Variants in NRG1 observed in about 807,000 individuals in gnomAD.
NRG1 encodes the protein pro-neuregulin-1, membrane-bound isoform.
Under a neutral mutation model 63.8 loss-of-function variants are expected in NRG1, and 18 were observed. The ratio of observed to expected loss-of-function variants is 0.28; its 90% CI spans 0.19 to 0.42. The LOEUF is 0.42. Among genes scored for constraint, NRG1 ranks in the 10% least tolerant of loss-of-function variants. The pLI is 1.00. For synonymous variants in NRG1, 302 were observed against 301.3 expected, an observed-to-expected ratio of 1.00 and a Z score of -0.02; for missense variants, 762 against 814.7, an observed-to-expected ratio of 0.94 and a Z score of 0.79.
chr8:31,759,834 C>T (rs1440524810), intron 1 of NRG1, among the ~76,000 whole-genome samples: 2 of 152,128 alleles, frequency 1.3e-5, no homozygotes, highest in South Asian at 4.2e-4. Context: ...GTTTTGCAAC[C>T]CGTGAGTCTA....
chr8:31,675,385 A>G (rs1278700505), intron 1 of NRG1, among the ~76,000 whole-genome samples: 1 of 152,156 alleles, frequency 6.6e-6, no homozygotes, highest in Admixed American at 6.6e-5. Flanking sequence ...ATAAGAACAT[A>G]CTGGCTGCAG....
chr8:31,858,273 T>C (rs569519060), intron 1 of NRG1, among the ~76,000 whole-genome samples: 6 of 150,728 alleles, frequency 4.0e-5, no homozygotes, highest in Admixed American at 2.6e-4. Context: ...CACTCCATCC[T>C]GGGCAACAGA....
chr8:31,958,335 G>T (rs1297129615), intron 1 of NRG1, among the ~76,000 whole-genome samples: 1 of 152,060 alleles, frequency 6.6e-6, no homozygotes, highest in Non-Finnish European at 1.5e-5. Flanking sequence ...AATCAATTTG[G>T]GTACCATTTT....
At chr8:32,015,555 T>C (rs188535088) in intron 1 of NRG1, among the ~76,000 whole-genome samples, 104 of 152,306 alleles carry the variant, frequency 6.8e-4, no homozygotes, top group Non-Finnish European at 1.2e-3. Flanking sequence ...GAATTATCCA[T>C]ACACTGGTGT....
chr8:32,667,970 T>G (rs1307883448), intron 5 of NRG1, among the ~76,000 whole-genome samples: 2 of 152,060 alleles, frequency 1.3e-5, no homozygotes, highest in Admixed American at 1.3e-4. Context: ...CTCAGCACTT[T>G]GGGAGGCCGA....
intron 6 of NRG1, among the ~76,000 whole-genome samples, chr8:32,737,675 C>CTTTTT (rs561750288): frequency 1.6e-5 from 2 of 127,880 alleles, no homozygotes; most frequent in African/African-American, 2.9e-5. Context: ...GACAATCTTC[C>CTTTTT]TTTTTTTTTT....
chr8:32,746,705 T>G (rs761737068), intron 7 of NRG1, among the ~76,000 whole-genome samples: 7 of 152,066 alleles, frequency 4.6e-5, no homozygotes, highest in Non-Finnish European at 8.8e-5. Context: ...ACAGTAAACT[T>G]TGTGTTTTTG....
At chr8:32,523,916 G>A (rs1830568047) in intron 1 of NRG1, among the ~76,000 whole-genome samples, 1 of 152,064 alleles carries the variant, frequency 6.6e-6, no homozygotes, top group Non-Finnish European at 1.5e-5. Context: ...CTATATCCGT[G>A]ATTGCTTTTC....
chr8:32,608,092 G>GTT (rs1226154193), intron 3 of NRG1, among the ~76,000 whole-genome samples: 12 of 106,152 alleles, frequency 1.1e-4, no homozygotes, highest in Non-Finnish European at 1.4e-4. Flanking sequence ...GGTTTTTTTT[G>GTT]TTTTTTTTTT....
intron 5 of NRG1, among the ~76,000 whole-genome samples, chr8:32,684,026 C>T (rs987663132): frequency 3.3e-5 from 5 of 151,996 alleles, no homozygotes; most frequent in African/African-American, 7.3e-5. Context: ...GAAACCCCAC[C>T]GCTACTATAA....
At chr8:32,182,246 G>A (rs180839914) in intron 1 of NRG1, among the ~76,000 whole-genome samples, 7 of 151,858 alleles carry the variant, frequency 4.6e-5, no homozygotes, top group Admixed American at 2.0e-4. Context: ...TGTGGAAAAT[G>A]ATACACAATT....
At chr8:32,755,432 G>T (rs982652907) in intron 8 of NRG1, among the ~76,000 whole-genome samples, 11 of 152,118 alleles carry the variant, frequency 7.2e-5, no homozygotes, top group African/African-American at 2.7e-4. Context: ...AGCATGGATT[G>T]TATTTTGTCA....
intron 1 of NRG1, among the ~76,000 whole-genome samples, chr8:32,104,188 C>A (rs1342552048): frequency 6.6e-6 from 1 of 152,210 alleles, no homozygotes; most frequent in Non-Finnish European, 1.5e-5. Context: ...TAGCCTCTTA[C>A]TCCTAGGCTA....
intron 1 of NRG1, among the ~76,000 whole-genome samples, chr8:32,038,310 A>G (rs1289170628): frequency 2.0e-5 from 3 of 151,744 alleles, no homozygotes; most frequent in African/African-American, 7.3e-5. Context: ...GGTTGCGCCA[A>G]CCATCTAGTC....
At chr8:32,635,978 A>C (rs1761791282) in intron 5 of NRG1, among the ~76,000 whole-genome samples, 1 of 152,180 alleles carries the variant, frequency 6.6e-6, no homozygotes, top group Non-Finnish European at 1.5e-5. Flanking sequence ...CATTTGGAAG[A>C]GCATGATAGA....
At chr8:31,918,684 C>A (rs1217287484) in intron 1 of NRG1, among the ~76,000 whole-genome samples, 7 of 152,086 alleles carry the variant, frequency 4.6e-5, no homozygotes, top group Admixed American at 1.3e-4. Flanking sequence ...GTGTCTCTGT[C>A]CGGCTTTGGT....
At chr8:32,159,171 C>G (rs899550028) in intron 1 of NRG1, among the ~76,000 whole-genome samples, 1 of 152,202 alleles carries the variant, frequency 6.6e-6, no homozygotes, top group South Asian at 2.1e-4. Context: ...AGTAGCTTAG[C>G]CACGATCGTA....
chr8:32,202,630 G>T (rs1843607808), intron 1 of NRG1, among the ~76,000 whole-genome samples: 1 of 152,040 alleles, frequency 6.6e-6, no homozygotes, highest in Admixed American at 6.6e-5. Flanking sequence ...ATTTTGTTGA[G>T]TGATGGAGGT....
At position 32,605,698 on chromosome 8, in the gene NRG1, CG is replaced by C; in HGVS notation, c.400+17del. The C allele has an allele frequency of 6.2e-7, 1 of 1,611,356 alleles. No homozygotes were observed. Among genetic ancestry groups the C allele is most frequent in the Non-Finnish European group, 8.5e-7 (1 of 1,178,338 alleles). On this transcript the variant is annotated intron_variant, in intron 3 of 11. Transcript: ENST00000356819. The stretch of plus-strand genomic sequence containing the variant: ...GGAATCAAACGGTAAGAGATACCTA[CG>C]GTATTCTGTTCCTCAATCTGTAACA...
Sources: allele counts gnomAD v4.1 joint callset (sites outside exome capture counted in the v4.1 genomes callset), GRCh38; gene constraint gnomAD v4.1.1; transcripts MANE v1.5; gene names NCBI Gene and HGNC (gene_info 2026-07-23, HGNC 2026-07-21).